Variants in SPRED2 observed in about 807,000 individuals in gnomAD.
SPRED2 encodes sprouty-related, EVH1 domain-containing protein 2.
Under a neutral mutation model 43.0 loss-of-function variants are expected in SPRED2, and 47 were observed. The ratio of observed to expected loss-of-function variants is 1.09; its 90% CI spans 0.87 to 1.40. The LOEUF is 1.40. Among genes scored for constraint, SPRED2 ranks in the 40% most tolerant of loss-of-function variants. The pLI, the probability that SPRED2 is intolerant of heterozygous loss-of-function variation, is 0.00. For synonymous variants in SPRED2, 225 were observed against 225.7 expected (o/e 1.00, Z 0.03); for missense variants, 561 against 586.4 (o/e 0.96, Z 0.45).
intron 1 of SPRED2, among the ~76,000 whole-genome samples, chr2:65,409,691 CAAAA>C (rs59225849): frequency 0.072 from 6,496 of 90,356 alleles, 183 homozygotes; most frequent in Middle Eastern, 0.21. Context: ...CAGTTTCCTG[CAAAA>C]AAAAAAAAAA....
At chr2:65,360,070 A>AC (rs1674761379) in intron 1 of SPRED2, among the ~76,000 whole-genome samples, 1 of 94,938 alleles carries the variant, frequency 1.1e-5, no homozygotes, top group African/African-American at 3.6e-5. Context: ...ATCTCAAAAA[A>AC]AAAAAAAACA....
Position 65,363,000 on chromosome 2 carries a change from G to GTTTTTTTTTTT in SPRED2, c.27-18105_27-18104insAAAAAAAAAAA, listed in dbSNP as rs759784526. Among the ~76,000 whole-genome samples the GTTTTTTTTTTT allele has an allele frequency of 3.3e-4, 22 of 66,944 alleles. 4 individuals are homozygous for GTTTTTTTTTTT. Among genetic ancestry groups the GTTTTTTTTTTT allele is most frequent in the African/African-American group, 1.5e-3 (22 of 14,276 alleles). The allele number at this position is 66,944 out of a possible 152,430, so 43.9% of individuals were successfully genotyped here. On this transcript the variant is annotated intron_variant, in intron 1 of 5. Transcript: ENST00000356388. ...CACTTGCTTTCTCTATGGTCATCATGTTTTGTTTTTTTTTTTTTTTTTTTT... is the reference window on the plus strand; with the variant it reads ...CACTTGCTTTCTCTATGGTCATCATGTTTTTTTTTTTTTTTGTTTTTTTTTTTTTTTTTTTT...
At chr2:65,361,360 A>G (rs750078396) in intron 1 of SPRED2, among the ~76,000 whole-genome samples, 21 of 152,270 alleles carry the variant, frequency 1.4e-4, no homozygotes, top group Non-Finnish European at 2.6e-4. Flanking sequence ...GGTTTTACTG[A>G]GACAAAAATG....
At chr2:65,426,537 AAAT>A (rs1474340113) in intron 1 of SPRED2, among the ~76,000 whole-genome samples, 1 of 152,210 alleles carries the variant, frequency 6.6e-6, no homozygotes, top group Admixed American at 6.5e-5. Flanking sequence ...GCCCAACTTG[AAAT>A]AATAATTGCC....
chr2:65,322,276 A>T (rs1227144385), intron 4 of SPRED2, among the ~76,000 whole-genome samples: 2 of 70,834 alleles, frequency 2.8e-5, no homozygotes, highest in East Asian at 4.5e-4. Context: ...CTCTCTATAT[A>T]TATATATATA....
chr2:65,373,595 A>G (rs1470607950), intron 1 of SPRED2: 1 of 152,268 alleles, frequency 6.6e-6, no homozygotes, highest in East Asian at 1.9e-4. Flanking sequence ...TATCCCAAAC[A>G]AAGACCCAAG....
intron 1 of SPRED2, among the ~76,000 whole-genome samples, chr2:65,345,570 A>G (rs1175981104): frequency 2.0e-5 from 3 of 152,190 alleles, no homozygotes; most frequent in Admixed American, 6.5e-5. Flanking sequence ...CTACAAACCT[A>G]TTAAGACGGT....
chr2:65,321,530 AG>A lies in SPRED2; in HGVS notation c.439-4648del, dbSNP rs1245183798. Reference sequence around the variant, plus strand: ...AAAAAAAAAAAAAAAAAAAAAAAAAAGATGTCCAATTAAGAAGTGTGCAACC... The same window carrying A: ...AAAAAAAAAAAAAAAAAAAAAAAAAAATGTCCAATTAAGAAGTGTGCAACC... On this transcript the variant is annotated intron_variant, in intron 4 of 5. Coordinates refer to ENST00000356388, the MANE Select transcript of SPRED2 (RefSeq NM_181784.3). 3.8e-3 allele frequency among the ~76,000 whole-genome samples: 371 copies of A among 97,380 alleles called. 7 individuals are homozygous for A. Among genetic ancestry groups the A allele is most frequent in the Middle Eastern group, 0.023 (4 of 176 alleles). The allele number at this position is 97,380 out of a possible 152,430, so 63.9% of individuals were successfully genotyped here. A position where few individuals can be genotyped will look rare whatever the true frequency, so the allele number is the denominator to read the frequency against.
chr2:65,354,121 G>A (rs1252980153), intron 1 of SPRED2, among the ~76,000 whole-genome samples: 1 of 152,228 alleles, frequency 6.6e-6, no homozygotes, highest in Non-Finnish European at 1.5e-5. Flanking sequence ...TGAGGAAGTA[G>A]TTGGGAAAAT....
intron 1 of SPRED2, among the ~76,000 whole-genome samples, chr2:65,377,373 G>A (rs999511088): frequency 6.6e-6 from 1 of 152,172 alleles, no homozygotes; most frequent in Non-Finnish European, 1.5e-5. Context: ...AATGAATGAT[G>A]CATACGTGGT....
intron 4 of SPRED2, among the ~76,000 whole-genome samples, chr2:65,327,810 G>A (rs960651362): frequency 1.1e-4 from 14 of 125,500 alleles, no homozygotes; most frequent in Middle Eastern, 5.7e-3. Flanking sequence ...TGCAACCTCC[G>A]CCTTCCAGGT....
intron 1 of SPRED2, among the ~76,000 whole-genome samples, chr2:65,407,705 C>T (rs574123126): frequency 5.9e-5 from 9 of 152,176 alleles, no homozygotes; most frequent in Admixed American, 2.0e-4. Context: ...CCCGTGGAGA[C>T]GCGGTATCCA....
At chr2:65,345,700 C>T (rs1674332091) in intron 1 of SPRED2, among the ~76,000 whole-genome samples, 1 of 152,188 alleles carries the variant, frequency 6.6e-6, no homozygotes, top group Non-Finnish European at 1.5e-5. Context: ...CATAAATTCA[C>T]CATGAAATCA....
chr2:65,414,873 G>A, intron 1 of SPRED2, among the ~76,000 whole-genome samples: 1 of 152,134 alleles, frequency 6.6e-6, no homozygotes, highest in Middle Eastern at 3.2e-3. Flanking sequence ...AAATAAGGAT[G>A]TAAAAGCCAG....
At chr2:65,340,334 C>G (rs1002602107) in intron 2 of SPRED2, among the ~76,000 whole-genome samples, 21 of 152,128 alleles carry the variant, frequency 1.4e-4, no homozygotes, top group Non-Finnish European at 2.6e-4. Context: ...GGATAGTGTT[C>G]TAGATGTGAA....
chr2:65,369,396 C>A (rs1046960819), intron 1 of SPRED2, among the ~76,000 whole-genome samples: 10 of 152,134 alleles, frequency 6.6e-5, no homozygotes, highest in African/African-American at 2.2e-4. Flanking sequence ...AGAATCCCCA[C>A]CCCCAACCCC....
intron 4 of SPRED2, among the ~76,000 whole-genome samples, chr2:65,317,179 T>C (rs1200337651): frequency 6.6e-6 from 1 of 152,164 alleles, no homozygotes; most frequent in African/African-American, 2.4e-5. Context: ...AGGCTGGATA[T>C]ACCAGGCTCC....
chr2:65,325,361 G>T (rs1032245121), intron 4 of SPRED2, among the ~76,000 whole-genome samples: 3 of 152,202 alleles, frequency 2.0e-5, no homozygotes, highest in Non-Finnish European at 4.4e-5. Context: ...ACTGCTTAAG[G>T]AGCTAGACCA....
At chr2:65,419,996 G>C (rs924086445) in intron 1 of SPRED2, among the ~76,000 whole-genome samples, 1 of 152,030 alleles carries the variant, frequency 6.6e-6, no homozygotes, top group Non-Finnish European at 1.5e-5. Context: ...GATCACTTGA[G>C]GTCAGGAGTT....
Sources: allele counts gnomAD v4.1 joint callset (sites outside exome capture counted in the v4.1 genomes callset), GRCh38; gene constraint gnomAD v4.1.1; transcripts MANE v1.5; gene names NCBI Gene and HGNC (gene_info 2026-07-23, HGNC 2026-07-21).